HIVEP3: variants seen among roughly 807,000 people sequenced by gnomAD.
The protein encoded by HIVEP3 is transcription factor HIVEP3.
In HIVEP3, 49 loss-of-function variants were observed where a neutral mutation model predicts 152.8. The ratio of observed to expected loss-of-function variants is 0.32; its 90% CI spans 0.26 to 0.41. HIVEP3 has a LOEUF of 0.41. Ranked by LOEUF, HIVEP3 falls within the 10% of genes least tolerant of loss-of-function variation. The probability of loss-of-function intolerance (pLI) is 1.00; values close to 1 mark genes in which losing one functional copy is unlikely to be tolerated. For synonymous variants in HIVEP3, 1,269 were observed against 1,289.0 expected (o/e 0.98, Z 0.33); for missense variants, 2,790 against 3,103.3 (o/e 0.90, Z 2.40).
chr1:41,562,171 A>C (rs1237486275), intron 5 of HIVEP3, among the ~76,000 whole-genome samples: 1 of 152,226 alleles, frequency 6.6e-6, no homozygotes, highest in Non-Finnish European at 1.5e-5. Flanking sequence ...ATTTAGATGA[A>C]GAAACTAAGG....
At chr1:41,701,020 A>G in intron 1 of HIVEP3, 25 bp from the exon 2 acceptor site, 2 of 947,512 alleles carry the variant, frequency 2.1e-6, no homozygotes, top group Non-Finnish European at 2.5e-6. Flanking sequence ...GAAAGTGAGA[A>G]TATTATGCCA....
intron 1 of HIVEP3, among the ~76,000 whole-genome samples, chr1:41,943,376 GT>G (rs1645057781): frequency 6.6e-6 from 1 of 152,128 alleles, no homozygotes; most frequent in African/African-American, 2.4e-5. Flanking sequence ...TCATGTAAAT[GT>G]TTTGCATAAT....
intron 2 of HIVEP3, among the ~76,000 whole-genome samples, chr1:41,630,263 T>C (rs1004307259): frequency 1.3e-4 from 20 of 152,054 alleles, no homozygotes; most frequent in Non-Finnish European, 2.6e-4. Flanking sequence ...CGACAGACAC[T>C]AGTAACTACT....
intron 5 of HIVEP3, among the ~76,000 whole-genome samples, chr1:41,540,130 C>G (rs1033209328): frequency 5.3e-5 from 8 of 152,160 alleles, no homozygotes; most frequent in Non-Finnish European, 1.0e-4. Context: ...TGGGGCTGTG[C>G]GGGGCAGCAG....
chr1:41,725,063 T>G (rs756211481), intron 1 of HIVEP3, among the ~76,000 whole-genome samples: 1 of 152,146 alleles, frequency 6.6e-6, no homozygotes, highest in Non-Finnish European at 1.5e-5. Context: ...AGGTTCAGAG[T>G]GGTCAAGTGA....
At chr1:41,670,767 C>T (rs1645863074) in intron 2 of HIVEP3, among the ~76,000 whole-genome samples, 1 of 152,118 alleles carries the variant, frequency 6.6e-6, no homozygotes, top group African/African-American at 2.4e-5. Flanking sequence ...AGAATTAAGC[C>T]ACGCAGTTAC....
At chr1:41,594,052 T>C (rs1428464888) in intron 3 of HIVEP3, among the ~76,000 whole-genome samples, 1 of 151,986 alleles carries the variant, frequency 6.6e-6, no homozygotes, top group Non-Finnish European at 1.5e-5. Flanking sequence ...GTGATTACAT[T>C]GAGTCCACCT....
At chr1:41,889,268 T>A (rs970982234) in intron 1 of HIVEP3, among the ~76,000 whole-genome samples, 1 of 151,992 alleles carries the variant, frequency 6.6e-6, no homozygotes, top group African/African-American at 2.4e-5. Context: ...ACACACAAAC[T>A]CACACACTTT....
chr1:41,521,845 G>A (rs1642766797), intron 6 of HIVEP3, among the ~76,000 whole-genome samples: 1 of 152,254 alleles, frequency 6.6e-6, no homozygotes, highest in Non-Finnish European at 1.5e-5. Flanking sequence ...GTCCCCTGAG[G>A]CGATCGGTGC....
At chr1:41,648,540 C>A (rs1350014190) in intron 2 of HIVEP3, among the ~76,000 whole-genome samples, 9 of 152,232 alleles carry the variant, frequency 5.9e-5, no homozygotes, top group African/African-American at 2.2e-4. Context: ...AAATGCTAAA[C>A]GAAATGTGTC....
chr1:42,012,172 T>C (rs985145265), intron 1 of HIVEP3, among the ~76,000 whole-genome samples: 2 of 151,894 alleles, frequency 1.3e-5, no homozygotes, highest in African/African-American at 4.8e-5. Context: ...ACTTTTATTC[T>C]TCATCTACAC....
intron 5 of HIVEP3, among the ~76,000 whole-genome samples, chr1:41,555,578 C>A (rs576145105): frequency 1.2e-4 from 18 of 152,338 alleles, no homozygotes; most frequent in South Asian, 6.2e-4. Context: ...TCTTCTGCGT[C>A]GATCACGCTG....
At position 41,711,668 on chromosome 1, in the gene HIVEP3, T is replaced by C. The variant is rs549363737; in HGVS notation, c.-800-10673A>G. On this transcript the variant is annotated intron_variant, in intron 1 of 8. Transcript: ENST00000372583. ...CTTTCGGTAAAAGCTGGTTCCCTTTTATGCCTTCTCCTCGTCCTTCCTGCT... is the reference window on the plus strand; with the variant it reads ...CTTTCGGTAAAAGCTGGTTCCCTTTCATGCCTTCTCCTCGTCCTTCCTGCT... 3.3e-5 allele frequency among the ~76,000 whole-genome samples: 5 copies of C among 152,354 alleles called. No homozygotes were observed. The East Asian group carries it at 7.7e-4, about 24-fold the overall frequency.
At chr1:42,020,493 A>AC (rs11403967) in intron 1 of HIVEP3, among the ~76,000 whole-genome samples, 108,370 of 151,916 alleles carry the variant, frequency 0.71, 39,094 homozygotes, top group East Asian at 0.96. Context: ...GTATGTTGGC[A>AC]AAAACTGTTC....
intron 1 of HIVEP3, among the ~76,000 whole-genome samples, chr1:42,021,839 C>T (rs1645556406): frequency 6.6e-6 from 1 of 152,172 alleles, no homozygotes; most frequent in Non-Finnish European, 1.5e-5. Context: ...GTCTATTCTT[C>T]TGTCAGTTTT....
intron 1 of HIVEP3, among the ~76,000 whole-genome samples, chr1:41,852,890 A>G (rs1643643698): frequency 6.6e-6 from 1 of 152,208 alleles, no homozygotes; most frequent in South Asian, 2.1e-4. Flanking sequence ...CTTACAGCTG[A>G]GCACAGATTT....
At chr1:41,705,118 G>A (rs1359099798) in intron 1 of HIVEP3, among the ~76,000 whole-genome samples, 2 of 152,240 alleles carry the variant, frequency 1.3e-5, no homozygotes, top group African/African-American at 4.8e-5. Context: ...ACCTTTTTAT[G>A]CCCTTTACAG....
intron 1 of HIVEP3, among the ~76,000 whole-genome samples, chr1:41,977,339 G>T (rs1447834503): frequency 1.3e-5 from 2 of 152,110 alleles, no homozygotes; most frequent in Non-Finnish European, 2.9e-5. Context: ...TGTGTGAGCT[G>T]CCACCTGCTG....
chr1:41,895,338 C>T (rs1006634443), intron 1 of HIVEP3, among the ~76,000 whole-genome samples: 15 of 152,222 alleles, frequency 9.9e-5, no homozygotes, highest in African/African-American at 3.4e-4. Context: ...ACACACTCCA[C>T]GTGGTCTGGC....
Sources: allele counts gnomAD v4.1 joint callset (sites outside exome capture counted in the v4.1 genomes callset), GRCh38; gene constraint gnomAD v4.1.1; transcripts MANE v1.5; gene names NCBI Gene and HGNC (gene_info 2026-07-23, HGNC 2026-07-21).